Variants in UNC80 observed in about 807,000 individuals in gnomAD.
UNC80 encodes unc-80 subunit of NALCN channel complex.
A neutral mutation model predicts 384.6 loss-of-function variants in UNC80; 164 were observed. The observed-to-expected ratio is 0.43, with a 90% CI of 0.38 to 0.49. The LOEUF (loss-of-function observed/expected upper bound fraction) is 0.49, where lower values mean the gene tolerates loss of function less well. UNC80 is among the 20% of genes least tolerant of loss of function. The pLI, the probability that UNC80 is intolerant of heterozygous loss-of-function variation, is 0.00. For synonymous variants in UNC80, 1,486 were observed against 1,527.8 expected, an observed-to-expected ratio of 0.97 and a Z score of 0.64; for missense variants, 3,330 against 4,143.0, an observed-to-expected ratio of 0.80 and a Z score of 5.39.
chr2:209,970,520 T>C (rs958981156), intron 53 of UNC80, among the ~76,000 whole-genome samples: 1 of 152,214 alleles, frequency 6.6e-6, no homozygotes, highest in Non-Finnish European at 1.5e-5. Flanking sequence ...CAAGGAATGT[T>C]GACCGCATTC....
intron 22 of UNC80, among the ~76,000 whole-genome samples, chr2:209,850,657 G>A (rs112243265): frequency 0.013 from 1,982 of 152,164 alleles, 47 homozygotes; most frequent in African/African-American, 0.043. Flanking sequence ...ATTGCTTTCC[G>A]TTATATAAGA....
chr2:209,926,027 C>T (rs115267339), intron 35 of UNC80, among the ~76,000 whole-genome samples: 3,430 of 152,232 alleles, frequency 0.023, 134 homozygotes, highest in African/African-American at 0.077. Context: ...CTAAATCTAA[C>T]CTTTTTCCTT....
chr2:209,868,019 G>A (rs149090515), intron 22 of UNC80, among the ~76,000 whole-genome samples: 119 of 152,306 alleles, frequency 7.8e-4, no homozygotes, highest in Non-Finnish European at 1.4e-3. Context: ...TCCAGACCAT[G>A]TGCTAACCTG....
At chr2:209,894,532 G>A (rs1220618218) in intron 27 of UNC80, among the ~76,000 whole-genome samples, 166 bp downstream of exon 27, 1 of 152,160 alleles carries the variant, frequency 6.6e-6, no homozygotes, top group Non-Finnish European at 1.5e-5. Flanking sequence ...GGTAGAGCAA[G>A]GCAGCTCAAG....
chr2:209,961,680 A>G (rs1165626591), intron 51 of UNC80, among the ~76,000 whole-genome samples: 1 of 152,182 alleles, frequency 6.6e-6, no homozygotes, highest in Non-Finnish European at 1.5e-5. Context: ...TAATTACAAA[A>G]TCATAATATA....
At chr2:209,898,311 A>AT (rs1393205888) in intron 28 of UNC80, among the ~76,000 whole-genome samples, 8 of 152,012 alleles carry the variant, frequency 5.3e-5, no homozygotes, top group Non-Finnish European at 1.2e-4. Context: ...TACTCAGATG[A>AT]TTGATTTGCA....
At chr2:209,931,996 A>C (rs920774133) in intron 38 of UNC80, among the ~76,000 whole-genome samples, 6 of 152,174 alleles carry the variant, frequency 3.9e-5, no homozygotes, top group Non-Finnish European at 8.8e-5. Flanking sequence ...GGAAGAAAAA[A>C]GACCTGTGTT....
At position 209,793,750 on chromosome 2, in the gene UNC80, T is replaced by G; in HGVS notation, c.829T>G (p.Ser277Ala). The change falls in exon 7 of 65, where the codon TCT becomes GCT. Residue 277 changes from serine (S) to alanine (A), a missense_variant. By Grantham distance (99) the Ser-to-Ala change is moderately conservative (BLOSUM62 1). Around this residue, in one of 8 missense-constraint regions of UNC80, gnomAD observed 937 missense variants for 1,026.8 expected, o/e 0.91. Coordinates refer to ENST00000673920, the MANE Select transcript of UNC80 (RefSeq NM_001371986.1). ...CCAGGTGGTTTGTGAAACATTCCAG[T>G]CTGATTCCATCTCACCCAAGGCCAC... ...GLQVVCETFQSDSISPKATIS... is the reference protein window; with the variant it reads ...GLQVVCETFQADSISPKATIS... 6.2e-7 allele frequency: 1 copy of G among 1,614,112 alleles called. No homozygotes were observed. Among genetic ancestry groups the G allele is most frequent in the Non-Finnish European group, 8.5e-7 (1 of 1,179,982 alleles).
intron 31 of UNC80, among the ~76,000 whole-genome samples, chr2:209,915,163 G>C (rs376953440): frequency 9.9e-5 from 15 of 151,794 alleles, no homozygotes; most frequent in African/African-American, 3.1e-4. Context: ...GTGCAAAACT[G>C]GGAGGCCGAG....
intron 29 of UNC80, among the ~76,000 whole-genome samples, chr2:209,907,218 A>G (rs751386031): frequency 2.0e-5 from 3 of 150,654 alleles, no homozygotes; most frequent in Non-Finnish European, 4.4e-5. Context: ...CCAGCCGTTC[A>G]TCTATTCAAC....
chr2:209,907,585 G>T (rs2088399404), intron 29 of UNC80, among the ~76,000 whole-genome samples: 1 of 152,116 alleles, frequency 6.6e-6, no homozygotes. Flanking sequence ...GAGTATGAAG[G>T]GCCATGGCTG....
At chr2:209,882,847 A>G (rs2085418664) in intron 25 of UNC80, among the ~76,000 whole-genome samples, 1 of 152,220 alleles carries the variant, frequency 6.6e-6, no homozygotes, top group Non-Finnish European at 1.5e-5. Context: ...TGTTTTCCCT[A>G]TCAATTCTAT....
At chr2:209,853,651 A>G (rs1205852567) in intron 22 of UNC80, among the ~76,000 whole-genome samples, 1 of 152,124 alleles carries the variant, frequency 6.6e-6, no homozygotes, top group Non-Finnish European at 1.5e-5. Context: ...AAAGAAAATA[A>G]AAAGAAAAAT....
intron 43 of UNC80, 54 bp from the exon 44 acceptor site, chr2:209,941,167 C>T: frequency 6.9e-7 from 1 of 1,451,640 alleles, no homozygotes; most frequent in Non-Finnish European, 9.2e-7. Flanking sequence ...ACCTCTCATG[C>T]TGACAGGATT....
Position 209,974,499 on chromosome 2 carries a change from C to T in UNC80, c.8587+1229C>T, listed in dbSNP as rs112378687. On this transcript the variant is annotated intron_variant, in intron 56 of 64. Transcript: ENST00000673920. ...AGTTTCTGTCCTCTCCACTGTCTGC[C>T]TTTTCAGTAAAGAGTTGTTTTTACT... Among the ~76,000 whole-genome samples, 330 of 152,294 alleles carry T rather than the reference C, an allele frequency of 2.2e-3. 2 individuals carry two copies. Among genetic ancestry groups the T allele is most frequent in the African/African-American group, 7.3e-3 (303 of 41,564 alleles).
At position 209,973,958 on chromosome 2, in the gene UNC80, A is replaced by T. The variant is rs919913685; in HGVS notation, c.8587+688A>T. Among the ~76,000 whole-genome samples the T allele has an allele frequency of 3.9e-5, 6 of 152,142 alleles. No homozygotes were observed. The East Asian group carries it at 1.2e-3, about 29-fold the overall frequency. On this transcript the variant is annotated intron_variant, in intron 56 of 64. Coordinates refer to ENST00000673920, the MANE Select transcript of UNC80 (RefSeq NM_001371986.1). The stretch of plus-strand genomic sequence containing the variant: ...CCTCTTTGACTCCTACTTTCCCGTT[A>T]TCCTATGCTGCCTTTAACCTGGTCG...
At chr2:209,809,509 G>A (rs998167018) in intron 7 of UNC80, 7 of 1,153,970 alleles carry the variant, frequency 6.1e-6, no homozygotes, top group Admixed American at 1.7e-5. Flanking sequence ...CCAGGCGTGC[G>A]CTCGAACCTT....
chr2:209,958,755 T>C (rs2092495059), intron 49 of UNC80, among the ~76,000 whole-genome samples: 1 of 152,210 alleles, frequency 6.6e-6, no homozygotes, highest in South Asian at 2.1e-4. Flanking sequence ...AAGTCAGCCA[T>C]GATTCTCCTT....
At position 209,978,630 on chromosome 2, in the gene UNC80, G is replaced by C. The variant is rs202226257; in HGVS notation, c.9040G>C (p.Val3014Leu). The change falls in exon 59 of 65, where the codon GTC becomes CTC. Residue 3014 changes from valine to leucine, a missense_variant. Physicochemically the swap from Val to Leu is conservative, Grantham distance 32. This residue lies in a region of UNC80 where 216 missense variants were observed against 245.3 expected (regional missense o/e 0.88). Transcript: ENST00000673920. ...MSRSNTGTGT[V>L]WEQDSEPSQQ... ...CCGCTCTAACACGGGCACGGGCACT[G>C]TCTGGGAGCAGGACAGTGAGCCATC... The C allele has an allele frequency of 6.4e-7, 1 of 1,551,426 alleles. No individual in the cohort carries two copies. Among genetic ancestry groups the C allele is most frequent in the African/African-American group, 1.4e-5 (1 of 73,050 alleles).
Sources: gnomAD v4.1 joint callset for allele counts (sites outside exome capture counted in the v4.1 genomes callset) on GRCh38, gnomAD v4.1.1 for gene constraint, gnomAD v4.1.1 regional missense constraint, MANE v1.5 for transcripts, NCBI Gene and HGNC (gene_info 2026-07-23, HGNC 2026-07-21) for gene names.